The following BMP2K variants were observed in gnomAD, a reference collection of about 807,000 sequenced individuals.
BMP2K encodes the protein BMP2 inducible kinase.
In BMP2K, 74 loss-of-function variants were observed where a neutral mutation model predicts 116.0. The ratio of observed to expected loss-of-function variants is 0.64; its 90% confidence interval spans 0.53 to 0.77. The LOEUF is 0.77. Ranked by LOEUF, BMP2K falls within the 30% of genes least tolerant of loss-of-function variation. BMP2K has a pLI of 0.00. For missense variants in BMP2K, 1,365 were observed against 1,403.6 expected, an observed-to-expected ratio of 0.97 and a Z score of 0.44; for synonymous variants, 486 against 502.5, an observed-to-expected ratio of 0.97 and a Z score of 0.44.
intron 13 of BMP2K, among the ~76,000 whole-genome samples, chr4:78,874,690 T>C (rs1186425474): frequency 6.6e-6 from 1 of 152,192 alleles, no homozygotes; most frequent in African/African-American, 2.4e-5. Context: ...CTGTTGAGAA[T>C]GGGATGATGA....
rs12641907 is a variant in BMP2K, at chr4:78,888,299, G to A, written c.2062+1015G>A. On this transcript the variant is annotated intron_variant, in intron 15 of 15. Transcript: ENST00000502613. ...ATGACATAATTAACTGGGGAACATAGCTTACTGTGTCTGTTTACTTATTCT... is the reference window on the plus strand; with the variant it reads ...ATGACATAATTAACTGGGGAACATAACTTACTGTGTCTGTTTACTTATTCT... Among the ~76,000 whole-genome samples the A allele has an allele frequency of 2.5e-3, 388 of 152,262 alleles. 3 individuals are homozygous for A. In the East Asian group the frequency reaches 0.033, roughly 13 times the overall value.
chr4:78,896,042 A>G (rs1045734290), intron 15 of BMP2K, among the ~76,000 whole-genome samples: 1 of 152,216 alleles, frequency 6.6e-6, no homozygotes, highest in African/African-American at 2.4e-5. Context: ...TACAGGCGTG[A>G]GCCATCCTGC....
At chr4:78,865,833 G>A in intron 10 of BMP2K, 113 bp downstream of exon 10, 1 of 1,068,296 alleles carries the variant, frequency 9.4e-7, no homozygotes, top group Non-Finnish European at 1.3e-6. Context: ...ATAACATAAT[G>A]CTTTCAGAAA....
At chr4:78,838,484 T>C (rs1482617356) in intron 3 of BMP2K, among the ~76,000 whole-genome samples, 2 of 152,228 alleles carry the variant, frequency 1.3e-5, no homozygotes, top group East Asian at 3.8e-4. Context: ...CTCAATTTTC[T>C]CAATGGAGTA....
At chr4:78,864,839 A>G (rs1731964709) in intron 9 of BMP2K, among the ~76,000 whole-genome samples, 1 of 152,198 alleles carries the variant, frequency 6.6e-6, no homozygotes, top group African/African-American at 2.4e-5. Context: ...ATAGAAAGCA[A>G]GTTGATAAAT....
At chr4:78,873,120 T>TA (rs563100047) in intron 13 of BMP2K, among the ~76,000 whole-genome samples, 30 of 151,652 alleles carry the variant, frequency 2.0e-4, no homozygotes, top group Middle Eastern at 3.4e-3. Flanking sequence ...CTTCAGCAGT[T>TA]AAAAAAAAAT....
chr4:78,884,503 T>A (rs897729643), intron 14 of BMP2K, among the ~76,000 whole-genome samples: 1 of 152,146 alleles, frequency 6.6e-6, no homozygotes, highest in Non-Finnish European at 1.5e-5. Context: ...AAAAGTCTGT[T>A]TCTAATTCAG....
intron 2 of BMP2K, among the ~76,000 whole-genome samples, chr4:78,830,309 A>C (rs1186387969): frequency 2.6e-5 from 4 of 152,246 alleles, no homozygotes; most frequent in African/African-American, 4.8e-5. Flanking sequence ...TAAAATATTC[A>C]GTAAACCATG....
chr4:78,891,480 C>A (rs1733435857), intron 15 of BMP2K, among the ~76,000 whole-genome samples: 1 of 151,986 alleles, frequency 6.6e-6, no homozygotes, highest in Admixed American at 6.5e-5. Context: ...TCTGGACTTT[C>A]TTCTTTTAAA....
At chr4:78,849,192 C>T (rs1731139999) in intron 6 of BMP2K, among the ~76,000 whole-genome samples, 1 of 150,970 alleles carries the variant, frequency 6.6e-6, no homozygotes, top group African/African-American at 2.4e-5. Context: ...TTAGAAAATT[C>T]ATTAATAGGT....
In BMP2K at chr4:78,870,956, C is replaced by T; in HGVS notation, c.1405C>T (p.Gln469Ter). Residue 469 changes from glutamine to a stop codon, truncating the protein, a stop_gained, in exon 11 of 16, where the codon CAG becomes TAG. Transcript: ENST00000502613. LOFTEE classifies it high-confidence loss of function. ...HQQQQQQQQQ[Q>*]QQQQQQQQQQ... ...GCAGCAGCAGCAGCAGCAGCAGCAA[C>T]AGCAACAGCAGCAGCAGCAACAGCA... 6.2e-7 allele frequency: 1 copy of T among 1,611,428 alleles called. No individual in the cohort carries two copies. Among genetic ancestry groups the T allele is most frequent in the Non-Finnish European group, 8.5e-7 (1 of 1,179,186 alleles).
intron 8 of BMP2K, among the ~76,000 whole-genome samples, chr4:78,860,712 C>A (rs1159332194): frequency 1.3e-5 from 2 of 149,834 alleles, no homozygotes; most frequent in Non-Finnish European, 3.0e-5. Context: ...TGTAGGGTTT[C>A]CTTTATGTGT....
chr4:78,778,181 T>C (rs1368965296), intron 1 of BMP2K, among the ~76,000 whole-genome samples: 1 of 152,234 alleles, frequency 6.6e-6, no homozygotes, highest in Non-Finnish European at 1.5e-5. Context: ...ACTCACTCAT[T>C]CCACTAAATC....
chr4:78,863,711 T>C (rs1731905816), intron 9 of BMP2K, among the ~76,000 whole-genome samples: 1 of 152,184 alleles, frequency 6.6e-6, no homozygotes, highest in Non-Finnish European at 1.5e-5. Flanking sequence ...CAATAATTAC[T>C]GTTTTTAACT....
chr4:78,870,428 G>C (rs373687656), intron 10 of BMP2K, among the ~76,000 whole-genome samples: 1 of 152,204 alleles, frequency 6.6e-6, no homozygotes, highest in East Asian at 1.9e-4. Context: ...GTGGAAAGTG[G>C]CATTCTAGAC....
chr4:78,825,223 A>C (rs1729813510), intron 1 of BMP2K, among the ~76,000 whole-genome samples: 1 of 152,102 alleles, frequency 6.6e-6, no homozygotes, highest in Non-Finnish European at 1.5e-5. Flanking sequence ...AAACAAAAAA[A>C]CCCAAAAAAC....
At chr4:78,778,047 A>G (rs892500137) in intron 1 of BMP2K, among the ~76,000 whole-genome samples, 14 of 152,278 alleles carry the variant, frequency 9.2e-5, no homozygotes, top group South Asian at 2.1e-4. Context: ...ATTACACATG[A>G]ATTTCAATTA....
At chr4:78,812,249 G>A (rs371607887) in intron 1 of BMP2K, among the ~76,000 whole-genome samples, 12 of 152,304 alleles carry the variant, frequency 7.9e-5, no homozygotes, top group East Asian at 3.9e-4. Flanking sequence ...GACTACAGGC[G>A]TGAGCCACTG....
chr4:78,876,480 C>T (rs750975442), intron 13 of BMP2K, among the ~76,000 whole-genome samples: 2 of 152,130 alleles, frequency 1.3e-5, no homozygotes, highest in Non-Finnish European at 2.9e-5. Flanking sequence ...ATATGCTAGC[C>T]TTCAGTAAGT....
Sources: allele counts gnomAD v4.1 joint callset (sites outside exome capture counted in the v4.1 genomes callset), GRCh38; gene constraint gnomAD v4.1.1; transcripts MANE v1.5; gene names NCBI Gene and HGNC (gene_info 2026-07-23, HGNC 2026-07-21).